AGBL1: variants seen among roughly 807,000 people sequenced by gnomAD.
The protein encoded by AGBL1 is cytosolic carboxypeptidase 4.
In AGBL1, 130 loss-of-function variants were observed where a neutral mutation model predicts 118.9. The ratio of observed to expected loss-of-function variants is 1.09; its 90% CI spans 0.95 to 1.26. The LOEUF is 1.26. Ranked by LOEUF, AGBL1 falls within the 50% of genes most tolerant of loss-of-function variation. The probability of loss-of-function intolerance (pLI) is 0.00; values close to 1 mark genes in which losing one functional copy is unlikely to be tolerated. For synonymous variants in AGBL1, 555 were observed against 478.9 expected (o/e 1.16, Z -2.08); for missense variants, 1,584 against 1,298.1 (o/e 1.22, Z -3.38).
chr15:86,299,560 A>T (rs985391538), intron 17 of AGBL1, among the ~76,000 whole-genome samples: 1 of 152,138 alleles, frequency 6.6e-6, no homozygotes, highest in Non-Finnish European at 1.5e-5. Context: ...TTGGAGCAGA[A>T]GATATCCCAT....
chr15:86,874,920 C>T (rs370145640), intron 22 of AGBL1, among the ~76,000 whole-genome samples: 2 of 151,936 alleles, frequency 1.3e-5, no homozygotes, highest in Admixed American at 6.6e-5. Flanking sequence ...GAAGGTCTCC[C>T]GGCATGACCT....
At chr15:86,730,648 A>G (rs748880868) in intron 22 of AGBL1, among the ~76,000 whole-genome samples, 19 of 152,154 alleles carry the variant, frequency 1.2e-4, no homozygotes, top group Non-Finnish European at 1.9e-4. Context: ...GTTTCTGGAC[A>G]TGAAATTCTT....
intron 18 of AGBL1, among the ~76,000 whole-genome samples, chr15:86,426,432 A>G (rs2081867224): frequency 6.6e-6 from 1 of 152,234 alleles, no homozygotes; most frequent in Non-Finnish European, 1.5e-5. Flanking sequence ...GTGAGCACCA[A>G]GAGAAATTGT....
intron 21 of AGBL1, among the ~76,000 whole-genome samples, chr15:86,670,624 CACAA>C (rs1171373978): frequency 6.9e-5 from 7 of 101,714 alleles, no homozygotes; most frequent in African/African-American, 1.9e-4. Context: ...CACACACACA[CACAA>C]ACACGCTGTG....
intron 18 of AGBL1, among the ~76,000 whole-genome samples, chr15:86,441,660 C>T (rs555820058): frequency 6.6e-6 from 1 of 152,208 alleles, no homozygotes. Context: ...GGCATTGTAT[C>T]CCCGTTATTG....
At chr15:86,128,104 A>G (rs1022553325) in intron 1 of AGBL1, among the ~76,000 whole-genome samples, 42 of 152,152 alleles carry the variant, frequency 2.8e-4, no homozygotes, top group African/African-American at 9.9e-4. Flanking sequence ...CTCATGTTGT[A>G]TTAGTCTGTT....
At chr15:86,952,452 T>C (rs942599732) in intron 23 of AGBL1, among the ~76,000 whole-genome samples, 2 of 152,220 alleles carry the variant, frequency 1.3e-5, no homozygotes, top group Non-Finnish European at 2.9e-5. Context: ...TTAATGTGAT[T>C]ATTGATATAA....
chr15:86,218,861 G>T (rs576472850), intron 5 of AGBL1, among the ~76,000 whole-genome samples: 4 of 152,296 alleles, frequency 2.6e-5, no homozygotes, highest in South Asian at 2.1e-4. Context: ...CCCCAGTTGA[G>T]CCTCAAGATG....
At chr15:86,227,967 T>C (rs2078393633) in intron 6 of AGBL1, among the ~76,000 whole-genome samples, 1 of 152,198 alleles carries the variant, frequency 6.6e-6, no homozygotes, top group South Asian at 2.1e-4. Context: ...GAGGACTTCA[T>C]TTAAATCGCA....
chr15:86,713,706 C>T (rs776774069), intron 22 of AGBL1, among the ~76,000 whole-genome samples: 4 of 152,118 alleles, frequency 2.6e-5, no homozygotes, highest in African/African-American at 9.7e-5. Flanking sequence ...AGCACTGCTC[C>T]TCCAGGGTAC....
At chr15:86,456,807 G>A (rs192874352) in intron 18 of AGBL1, among the ~76,000 whole-genome samples, 4 of 152,188 alleles carry the variant, frequency 2.6e-5, no homozygotes, top group South Asian at 4.2e-4. Flanking sequence ...CAGTTTTACC[G>A]GATTGGTTTT....
intron 19 of AGBL1, among the ~76,000 whole-genome samples, chr15:86,534,676 T>C (rs78309329): frequency 0.01 from 1,560 of 152,326 alleles, 27 homozygotes; most frequent in African/African-American, 0.033. Context: ...TGCACTGGAA[T>C]ATTATTCAGT....
chr15:86,838,317 A>C (rs186041704), intron 22 of AGBL1, among the ~76,000 whole-genome samples: 1 of 152,346 alleles, frequency 6.6e-6, no homozygotes, highest in African/African-American at 2.4e-5. Flanking sequence ...CAAGCTTCTT[A>C]TAGAAGAGGC....
At chr15:86,837,788 C>T (rs1458269283) in intron 22 of AGBL1, among the ~76,000 whole-genome samples, 1 of 152,218 alleles carries the variant, frequency 6.6e-6, no homozygotes, top group African/African-American at 2.4e-5. Context: ...GAGAAGACTA[C>T]ATTTCAGTGG....
chr15:86,712,399 C>T (rs28502101), intron 22 of AGBL1, among the ~76,000 whole-genome samples: 2,203 of 149,758 alleles, frequency 0.015, 63 homozygotes, highest in African/African-American at 0.048. Flanking sequence ...GACATTAAAA[C>T]GGAATGTTAA....
intron 24 of AGBL1, among the ~76,000 whole-genome samples, chr15:87,027,764 C>T (rs1045920191): frequency 2.6e-5 from 4 of 151,932 alleles, no homozygotes; most frequent in African/African-American, 7.2e-5. Flanking sequence ...CCATTATCCT[C>T]AGCAAACTAA....
intron 21 of AGBL1, among the ~76,000 whole-genome samples, chr15:86,581,684 C>T (rs2084174710): frequency 6.6e-6 from 1 of 152,072 alleles, no homozygotes; most frequent in Non-Finnish European, 1.5e-5. Context: ...CATGAGCAAC[C>T]CCCAAATGTT....
At chr15:86,136,081 C>G (rs895252776) in intron 1 of AGBL1, among the ~76,000 whole-genome samples, 1 of 152,174 alleles carries the variant, frequency 6.6e-6, no homozygotes, top group Middle Eastern at 3.2e-3. Flanking sequence ...AACATAGACC[C>G]TCCAGTCTAG....
At chr15:86,355,751 G>T (rs2080703218) in intron 17 of AGBL1, among the ~76,000 whole-genome samples, 1 of 152,204 alleles carries the variant, frequency 6.6e-6, no homozygotes, top group Non-Finnish European at 1.5e-5. Flanking sequence ...GGAACAGCAG[G>T]TGAAGGGGGG....
Sources: allele counts gnomAD v4.1 joint callset (sites outside exome capture counted in the v4.1 genomes callset), GRCh38; gene constraint gnomAD v4.1.1; transcripts MANE v1.5; gene names NCBI Gene and HGNC (gene_info 2026-07-23, HGNC 2026-07-21).